Variants in CACNA1A observed in about 807,000 individuals in gnomAD.
CACNA1A encodes calcium voltage-gated channel subunit alpha1 A.
In CACNA1A, 57 loss-of-function variants were observed where a neutral mutation model predicts 262.4. That is an observed-to-expected ratio of 0.22 (90% CI 0.18 to 0.27). The LOEUF (loss-of-function observed/expected upper bound fraction) is 0.27, where lower values mean the gene tolerates loss of function less well. CACNA1A is among the 10% of genes least tolerant of loss of function. CACNA1A has a pLI of 1.00. For missense variants in CACNA1A, 2,526 were observed against 3,562.8 expected (o/e 0.71, Z 7.41); for synonymous variants, 1,431 against 1,419.3 (o/e 1.01, Z -0.18).
chr19:13,379,301 T>C (rs146142410), intron 3 of CACNA1A, among the ~76,000 whole-genome samples: 140 of 152,242 alleles, frequency 9.2e-4, no homozygotes, highest in Non-Finnish European at 1.8e-3. Flanking sequence ...TTAAGGTATG[T>C]ACATTTTTTT....
At chr19:13,403,144 C>T (rs529778852) in intron 3 of CACNA1A, among the ~76,000 whole-genome samples, 31 of 151,784 alleles carry the variant, frequency 2.0e-4, no homozygotes, top group African/African-American at 7.2e-4. Flanking sequence ...AACACACCAT[C>T]GTTAATGTTT....
chr19:13,320,694 A>AT (rs2058235192), intron 10 of CACNA1A, among the ~76,000 whole-genome samples: 1 of 151,902 alleles, frequency 6.6e-6, no homozygotes, highest in African/African-American at 2.4e-5. Context: ...TGTTAGTTGA[A>AT]TTTCATACTC....
chr19:13,330,946 C>T (rs1600348834), intron 9 of CACNA1A, among the ~76,000 whole-genome samples: 1 of 152,256 alleles, frequency 6.6e-6, no homozygotes, highest in South Asian at 2.1e-4. Context: ...ACCCCTTGAC[C>T]TGTAGCATAC....
intron 29 of CACNA1A, among the ~76,000 whole-genome samples, chr19:13,253,374 C>G (rs965298840): frequency 1.3e-5 from 2 of 148,872 alleles, no homozygotes; most frequent in African/African-American, 5.0e-5. Context: ...TGGGCTTGAA[C>G]TCACAATCCT....
Position 13,214,684 on chromosome 19 carries a change from A to G in CACNA1A, c.5732-76T>C, listed in dbSNP as rs1405934768. On this transcript the variant is annotated intron_variant, in intron 38 of 46. Transcript: ENST00000360228. The surrounding 1 kb of genome is among the most constrained non-coding windows in gnomAD (Gnocchi z 4.1). The stretch of plus-strand genomic sequence containing the variant: ...GACTCTGGGTCAGCTGCAAAGCCAT[A>G]GGCTCCCGAGAACGAGACCCCAATC... 5 of 1,152,714 alleles carry G rather than the reference A, an allele frequency of 4.3e-6. No individual in the cohort carries two copies. In the African/African-American group the frequency reaches 4.6e-5, roughly 11 times the overall value. The allele number at this position is 1,152,714 out of a possible 1,614,324, so 71.4% of individuals were successfully genotyped here.
chr19:13,438,158 T>C (rs955689281), intron 3 of CACNA1A, among the ~76,000 whole-genome samples: 2 of 152,200 alleles, frequency 1.3e-5, no homozygotes, highest in Non-Finnish European at 2.9e-5. Flanking sequence ...TGACACGTCA[T>C]CTACATTGAT....
At chr19:13,393,320 A>T (rs941766247) in intron 3 of CACNA1A, among the ~76,000 whole-genome samples, 1 of 152,206 alleles carries the variant, frequency 6.6e-6, no homozygotes. Flanking sequence ...AGCACAGATG[A>T]ATCTCACACA....
In CACNA1A at chr19:13,317,273, G is replaced by A. The variant is rs544363291; in HGVS notation, c.1394C>T (p.Ser465Leu). 18 of 1,612,760 alleles carry A rather than the reference G, an allele frequency of 1.1e-5. No homozygotes were observed. The highest frequency in any genetic ancestry group is 1.7e-4 in the Middle Eastern group (1 of 6,058). The part of the protein sequence containing the change: ...ASIKSAKLEN[S>L]TFFHKKERRM... ...CCTCTCCTTTTTGTGAAAAAAGGTC[G>A]AGTTCTCCAGCTTGGCACTTTTAAT... Residue 465 changes from serine to leucine, a missense_variant, in exon 11 of 47, where the codon TCG becomes TTG. By Grantham distance (145) the Ser-to-Leu change is moderately radical (BLOSUM62 -2). Around this residue, in one of 17 missense-constraint regions of CACNA1A, gnomAD observed 104 missense variants for 127.6 expected, o/e 0.81. Transcript: ENST00000360228.
chr19:13,252,740 G>C, intron 30 of CACNA1A: 1 of 296,766 alleles, frequency 3.4e-6, no homozygotes, highest in Admixed American at 4.9e-5. Context: ...TCCCAGCCAT[G>C]ATGACTCCCA....
Position 13,318,890 on chromosome 19 carries a change from C to CTTTTTTTTTTTTTT in CACNA1A, c.1346-1583_1346-1570dup, listed in dbSNP as rs751530649. Among the ~76,000 whole-genome samples, 182 of 114,638 alleles carry CTTTTTTTTTTTTTT rather than the reference C, an allele frequency of 1.6e-3. 2 individuals are homozygous for CTTTTTTTTTTTTTT. The highest frequency in any genetic ancestry group is 1.9e-3 in the Non-Finnish European group (109 of 57,552). The allele number at this position is 114,638 out of a possible 152,430, so 75.2% of individuals were successfully genotyped here. Reference sequence around the variant, plus strand: ...ATTGAATTTACCTTCTAAAATACATCTTTTTTTTTTTTTTTTGAGACAGGA... The same window carrying CTTTTTTTTTTTTTT: ...ATTGAATTTACCTTCTAAAATACATCTTTTTTTTTTTTTTTTTTTTTTTTTTTTTTGAGACAGGA... On this transcript the variant is annotated intron_variant, in intron 10 of 46. Transcript: ENST00000360228.
At chr19:13,330,114 CA>C (rs1439675215) in intron 10 of CACNA1A, 129 bp downstream of exon 10, 2 of 623,138 alleles carry the variant, frequency 3.2e-6, no homozygotes, top group East Asian at 5.5e-5. Flanking sequence ...GACACACGCA[CA>C]GGTGGGAAAG....
chr19:13,379,984 AG>A (rs1376630423), intron 3 of CACNA1A, among the ~76,000 whole-genome samples: 2 of 135,224 alleles, frequency 1.5e-5, no homozygotes, highest in Non-Finnish European at 3.1e-5. Context: ...ATCTATTAAG[AG>A]CTACTTATGA....
intron 3 of CACNA1A, among the ~76,000 whole-genome samples, chr19:13,442,800 T>C (rs565433480): frequency 3.3e-5 from 5 of 152,322 alleles, no homozygotes; most frequent in East Asian, 3.9e-4. Context: ...CCCCCAGCCA[T>C]AGTGGAACCC....
intron 10 of CACNA1A, among the ~76,000 whole-genome samples, chr19:13,325,298 A>G (rs148775983): frequency 0.012 from 1,772 of 150,566 alleles, 33 homozygotes; most frequent in African/African-American, 0.041. Context: ...CAGGGTTTTG[A>G]GACCAGCCTG....
intron 36 of CACNA1A, 107 bp downstream of exon 36, chr19:13,229,975 G>C: frequency 2.3e-6 from 3 of 1,291,638 alleles, no homozygotes; most frequent in African/African-American, 2.9e-5. Context: ...ACCCCTGCTA[G>C]GACCCCAGGA....
chr19:13,487,399 T>C (rs1460221792), intron 1 of CACNA1A, among the ~76,000 whole-genome samples: 1 of 151,876 alleles, frequency 6.6e-6, no homozygotes, highest in Admixed American at 6.6e-5. Flanking sequence ...TGGCGAGAGG[T>C]TGTCAGCCAG....
chr19:13,410,404 A>AT lies in CACNA1A; in HGVS notation c.540-38626dup, dbSNP rs983955699. 7.3e-4 allele frequency among the ~76,000 whole-genome samples: 111 copies of AT among 151,466 alleles called. 1 individual carries two copies. Among genetic ancestry groups the AT allele is most frequent in the African/African-American group, 2.4e-3 (101 of 41,340 alleles). On this transcript the variant is annotated intron_variant, in intron 3 of 46. Transcript: ENST00000360228. ...ACCATGCCCAGCTAATTAAAAAAAA[A>AT]TTTTTTTTGTAGAGATGGGGTCTCA...
chr19:13,410,607 C>T (rs568585660), intron 3 of CACNA1A, among the ~76,000 whole-genome samples: 2 of 150,822 alleles, frequency 1.3e-5, no homozygotes, highest in South Asian at 4.2e-4. Context: ...TAACACATGC[C>T]CCATCTCTCT....
At chr19:13,396,490 T>G (rs2059813892) in intron 3 of CACNA1A, among the ~76,000 whole-genome samples, 1 of 152,212 alleles carries the variant, frequency 6.6e-6, no homozygotes, top group Non-Finnish European at 1.5e-5. Flanking sequence ...ATGATGGAAA[T>G]GTTCTATTCT....
Sources: gnomAD v4.1 joint callset for allele counts (sites outside exome capture counted in the v4.1 genomes callset) on GRCh38, gnomAD v4.1.1 for gene constraint, gnomAD v4.1.1 regional missense constraint, Gnocchi (gnomAD v3.1) non-coding constraint, MANE v1.5 for transcripts, NCBI Gene and HGNC (gene_info 2026-07-23, HGNC 2026-07-21) for gene names.